ST6GALNAC3: variants seen among roughly 807,000 people sequenced by gnomAD.
ST6GALNAC3 encodes alpha-N-acetylgalactosaminide alpha-2,6-sialyltransferase 3.
Under a neutral mutation model 32.7 loss-of-function variants are expected in ST6GALNAC3, and 25 were observed. That is an observed-to-expected ratio of 0.76 (90% CI 0.56 to 1.07). The LOEUF is 1.07. ST6GALNAC3 is among the 50% of genes least tolerant of loss of function. ST6GALNAC3 has a pLI of 0.00. For missense variants in ST6GALNAC3, 355 were observed against 382.4 expected (o/e 0.93, Z 0.60); for synonymous variants, 129 against 133.1 (o/e 0.97, Z 0.21).
At chr1:76,441,890 A>G (rs1016127304) in intron 3 of ST6GALNAC3, among the ~76,000 whole-genome samples, 1 of 152,198 alleles carries the variant, frequency 6.6e-6, no homozygotes, top group Non-Finnish European at 1.5e-5. Flanking sequence ...TTAAAAGGAT[A>G]AGCTTCTTTG....
chr1:76,624,321 T>A lies in ST6GALNAC3; in HGVS notation c.624-3131T>A, dbSNP rs935843204. Among the ~76,000 whole-genome samples the A allele has an allele frequency of 8.5e-5, 13 of 152,066 alleles. No homozygotes were observed. The Middle Eastern group carries it at 0.017, about 199-fold the overall frequency. Reference sequence around the variant, plus strand: ...TAAGATGGCAAGATCCTTGACCAGATGCCAAACCCTGAAATTCTTGATCTT... The same window carrying A: ...TAAGATGGCAAGATCCTTGACCAGAAGCCAAACCCTGAAATTCTTGATCTT... On this transcript the variant is annotated intron_variant, in intron 3 of 4. Coordinates refer to ENST00000328299, the MANE Select transcript of ST6GALNAC3 (RefSeq NM_152996.4).
At chr1:76,291,186 C>T (rs192034647) in intron 1 of ST6GALNAC3, among the ~76,000 whole-genome samples, 1 of 152,346 alleles carries the variant, frequency 6.6e-6, no homozygotes, top group East Asian at 1.9e-4. Flanking sequence ...AGAATCCAAG[C>T]TTCTTTTTGA....
intron 1 of ST6GALNAC3, among the ~76,000 whole-genome samples, chr1:76,211,406 C>T (rs1344209838): frequency 6.6e-6 from 1 of 152,112 alleles, no homozygotes; most frequent in Non-Finnish European, 1.5e-5. Context: ...GAACTAGAAA[C>T]ACCATTTGAC....
intron 1 of ST6GALNAC3, among the ~76,000 whole-genome samples, chr1:76,146,431 A>C (rs1186377344): frequency 6.6e-6 from 1 of 152,042 alleles, no homozygotes; most frequent in Non-Finnish European, 1.5e-5. Flanking sequence ...CTTTTGATTG[A>C]GATGTTCTTG....
chr1:76,139,445 C>G (rs914344618), intron 1 of ST6GALNAC3, among the ~76,000 whole-genome samples: 1 of 152,094 alleles, frequency 6.6e-6, no homozygotes, highest in African/African-American at 2.4e-5. Context: ...TGGACTGTTT[C>G]TTGGGAAGAA....
rs566730494 is a variant in ST6GALNAC3, at chr1:76,519,165, AT to A, written c.623+106757del. On this transcript the variant is annotated intron_variant, in intron 3 of 4. Coordinates refer to ENST00000328299, the MANE Select transcript of ST6GALNAC3 (RefSeq NM_152996.4). Reference sequence around the variant, plus strand: ...ATCTCACAGTGTCATCTTTTTTTAGATTTTTTTTTGTTTTTCCTCAAATATA... The same window carrying A: ...ATCTCACAGTGTCATCTTTTTTTAGATTTTTTTTGTTTTTCCTCAAATATA... Among the ~76,000 whole-genome samples the A allele has an allele frequency of 3.5e-3, 527 of 151,454 alleles. 1 individual carries two copies. Among genetic ancestry groups the A allele is most frequent in the Middle Eastern group, 6.8e-3 (2 of 294 alleles).
At chr1:76,486,634 G>T (rs1394807626) in intron 3 of ST6GALNAC3, among the ~76,000 whole-genome samples, 1 of 152,042 alleles carries the variant, frequency 6.6e-6, no homozygotes, top group African/African-American at 2.4e-5. Context: ...CATGTGAGAT[G>T]GATCTCCTGA....
intron 3 of ST6GALNAC3, among the ~76,000 whole-genome samples, chr1:76,618,525 C>G (rs1451575270): frequency 6.6e-6 from 1 of 152,126 alleles, no homozygotes; most frequent in African/African-American, 2.4e-5. Context: ...AATTATCAAT[C>G]GAAAAATATT....
intron 3 of ST6GALNAC3, among the ~76,000 whole-genome samples, chr1:76,522,412 A>G (rs1662602278): frequency 6.6e-6 from 1 of 152,040 alleles, no homozygotes; most frequent in Non-Finnish European, 1.5e-5. Flanking sequence ...TTTCTGATAT[A>G]CAAGTTACAT....
In ST6GALNAC3 at chr1:76,630,300, G is replaced by A; in HGVS notation, c.*1494G>A. On this transcript the variant is annotated 3_prime_UTR_variant, in exon 5 of 5. Coordinates refer to ENST00000328299, the MANE Select transcript of ST6GALNAC3 (RefSeq NM_152996.4). ...GCTAGGGCCCCTGTGAAAATAAGTA[G>A]TTTTGAGAAGTTTTTCTATATACGT... is the stretch of plus-strand genomic sequence containing the variant. The A allele has an allele frequency of 1.0e-6, 1 of 985,118 alleles. No individual in the cohort carries two copies. The highest frequency in any genetic ancestry group is 1.2e-6 in the Non-Finnish European group (1 of 829,782). 61.0% of individuals were successfully genotyped at this position (985,118 alleles called of 1,614,324 possible).
intron 3 of ST6GALNAC3, among the ~76,000 whole-genome samples, chr1:76,496,370 C>T (rs1407454140): frequency 1.3e-5 from 2 of 152,286 alleles, no homozygotes; most frequent in East Asian, 3.9e-4. Context: ...CACTTGAACC[C>T]ATACCGGGCA....
intron 3 of ST6GALNAC3, among the ~76,000 whole-genome samples, chr1:76,604,809 C>T (rs1647417854): frequency 6.6e-6 from 1 of 152,176 alleles, no homozygotes; most frequent in Admixed American, 6.6e-5. Context: ...GTCTTGTTTT[C>T]AAATTAGAAA....
In ST6GALNAC3 at chr1:76,547,469, T is replaced by A. The variant is rs183322527; in HGVS notation, c.624-79983T>A. On this transcript the variant is annotated intron_variant, in intron 3 of 4. Transcript: ENST00000328299. Reference sequence around the variant, plus strand: ...GTTAAATCCCAGTATTGCAATTTACTTTATGTCAAAGGGAACAAGCAAAAT... The same window carrying A: ...GTTAAATCCCAGTATTGCAATTTACATTATGTCAAAGGGAACAAGCAAAAT... Among the ~76,000 whole-genome samples, 9 of 152,304 alleles carry A rather than the reference T, an allele frequency of 5.9e-5. No individual in the cohort carries two copies. In the East Asian group the frequency reaches 1.7e-3, roughly 29 times the overall value.
intron 1 of ST6GALNAC3, among the ~76,000 whole-genome samples, chr1:76,216,302 G>C (rs544362007): frequency 1.3e-5 from 2 of 151,900 alleles, no homozygotes; most frequent in African/African-American, 4.8e-5. Context: ...ACACAAATAC[G>C]CATATATGTG....
chr1:76,621,366 C>G (rs940852557), intron 3 of ST6GALNAC3, among the ~76,000 whole-genome samples: 1 of 151,996 alleles, frequency 6.6e-6, no homozygotes, highest in African/African-American at 2.4e-5. Flanking sequence ...GAATTACCAG[C>G]CACAGAATGA....
At chr1:76,218,229 T>C (rs183364110) in intron 1 of ST6GALNAC3, among the ~76,000 whole-genome samples, 32 of 152,302 alleles carry the variant, frequency 2.1e-4, no homozygotes, top group African/African-American at 7.0e-4. Context: ...CAACTTTGAA[T>C]AGACTATCAA....
intron 1 of ST6GALNAC3, among the ~76,000 whole-genome samples, chr1:76,121,639 C>A (rs1648878401): frequency 6.6e-6 from 1 of 152,092 alleles, no homozygotes; most frequent in South Asian, 2.1e-4. Context: ...TGGCATGAAC[C>A]TGGGAGGCGG....
At chr1:76,239,679 AGC>A (rs1435650497) in intron 1 of ST6GALNAC3, among the ~76,000 whole-genome samples, 1 of 152,224 alleles carries the variant, frequency 6.6e-6, no homozygotes, top group Non-Finnish European at 1.5e-5. Context: ...CCCGTGACCC[AGC>A]ACCTCCCACT....
At chr1:76,150,459 A>G (rs1650970238) in intron 1 of ST6GALNAC3, among the ~76,000 whole-genome samples, 1 of 152,182 alleles carries the variant, frequency 6.6e-6, no homozygotes, top group African/African-American at 2.4e-5. Flanking sequence ...GGGTAGACCC[A>G]ATTCCCTCCT....
Sources: allele counts gnomAD v4.1 joint callset (sites outside exome capture counted in the v4.1 genomes callset), GRCh38; gene constraint gnomAD v4.1.1; transcripts MANE v1.5; gene names NCBI Gene and HGNC (gene_info 2026-07-23, HGNC 2026-07-21).